Variants in PCED1B observed in about 807,000 individuals in gnomAD.
PCED1B encodes PC-esterase domain containing 1B.
For synonymous variants in PCED1B, 251 were observed against 246.1 expected (o/e 1.02, Z -0.19); for missense variants, 573 against 573.9 (o/e 1.00, Z 0.02).
At chr12:47,121,620 G>A (rs901787236) in intron 2 of PCED1B, among the ~76,000 whole-genome samples, 3 of 152,160 alleles carry the variant, frequency 2.0e-5, no homozygotes, top group Non-Finnish European at 4.4e-5. Context: ...TTTTCTAGAT[G>A]TTGACTTAAG....
intron 2 of PCED1B, among the ~76,000 whole-genome samples, chr12:47,199,431 T>C (rs1389613190): frequency 6.6e-6 from 1 of 152,140 alleles, no homozygotes; most frequent in Non-Finnish European, 1.5e-5. Flanking sequence ...AGACCCAGAA[T>C]AGCCAACATA....
intron 2 of PCED1B, among the ~76,000 whole-genome samples, chr12:47,144,349 G>C (rs1271062575): frequency 6.6e-6 from 1 of 152,170 alleles, no homozygotes; most frequent in Non-Finnish European, 1.5e-5. Flanking sequence ...AGGAGGGACA[G>C]CCTCAAGGAT....
chr12:47,177,616 G>C (rs953411400), intron 2 of PCED1B, among the ~76,000 whole-genome samples: 1 of 152,046 alleles, frequency 6.6e-6, no homozygotes, highest in Non-Finnish European at 1.5e-5. Context: ...GTGGTGGGGT[G>C]GGGGGTGGCA....
chr12:47,146,332 G>C (rs1056829724), intron 2 of PCED1B, among the ~76,000 whole-genome samples: 3 of 152,162 alleles, frequency 2.0e-5, no homozygotes, highest in African/African-American at 2.4e-5. Context: ...TTGTTGAAAT[G>C]ACAACAAAGG....
At chr12:47,167,624 T>C (rs1430033850) in intron 2 of PCED1B, among the ~76,000 whole-genome samples, 1 of 152,114 alleles carries the variant, frequency 6.6e-6, no homozygotes, top group Admixed American at 6.5e-5. Context: ...ATGAAGTGAG[T>C]GTCATAAATA....
At chr12:47,234,921 TCCCCATGGTCTCCCTA>T in intron 3 of PCED1B, 70 bp from the exon 4 acceptor site, 1 of 650,592 alleles carries the variant, frequency 1.5e-6, no homozygotes, top group East Asian at 3.0e-5. Flanking sequence ...GCCATCCCCT[TCCCCATGGTCTCCCTA>T]CCCCCAACCT....
intron 2 of PCED1B, among the ~76,000 whole-genome samples, chr12:47,208,209 C>T (rs527646966): frequency 1.3e-5 from 2 of 151,912 alleles, no homozygotes; most frequent in Admixed American, 6.6e-5. Flanking sequence ...AAGGGATAGA[C>T]TTGGTGCTGT....
intron 2 of PCED1B, among the ~76,000 whole-genome samples, chr12:47,202,368 G>T (rs1942788194): frequency 6.6e-6 from 1 of 152,124 alleles, no homozygotes; most frequent in Non-Finnish European, 1.5e-5. Context: ...TGCCAGACTG[G>T]ATGTTGCCTG....
At chr12:47,129,809 T>G (rs1253146792) in intron 2 of PCED1B, among the ~76,000 whole-genome samples, 1 of 152,154 alleles carries the variant, frequency 6.6e-6, no homozygotes, top group East Asian at 1.9e-4. Flanking sequence ...GGGACCCCAG[T>G]GGGGAGTGGT....
chr12:47,211,855 C>G (rs1035178819), intron 2 of PCED1B, among the ~76,000 whole-genome samples: 2 of 151,312 alleles, frequency 1.3e-5, no homozygotes, highest in African/African-American at 4.9e-5. Flanking sequence ...GCGGGCGGAT[C>G]ACGAGGTCAG....
chr12:47,114,245 A>C (rs1939325466), intron 2 of PCED1B, among the ~76,000 whole-genome samples: 1 of 152,148 alleles, frequency 6.6e-6, no homozygotes. Context: ...TCTTCACACC[A>C]AACCTGCAAG....
At chr12:47,106,440 G>T (rs910937555) in intron 2 of PCED1B, among the ~76,000 whole-genome samples, 1 of 152,130 alleles carries the variant, frequency 6.6e-6, no homozygotes, top group Non-Finnish European at 1.5e-5. Context: ...AGAAAAGTGG[G>T]TGCCTATGAG....
intron 2 of PCED1B, among the ~76,000 whole-genome samples, chr12:47,198,642 T>A (rs1299945816): frequency 6.6e-6 from 1 of 151,592 alleles, no homozygotes; most frequent in African/African-American, 2.4e-5. Flanking sequence ...GAAATAAAAC[T>A]TTGTTCACAG....
chr12:47,193,297 C>A (rs552167259), intron 2 of PCED1B, among the ~76,000 whole-genome samples: 1 of 152,132 alleles, frequency 6.6e-6, no homozygotes, highest in African/African-American at 2.4e-5. Flanking sequence ...GGCATCTGAC[C>A]GTCCCCACTT....
chr12:47,225,120 C>T (rs1050221014), intron 3 of PCED1B, among the ~76,000 whole-genome samples: 2 of 152,022 alleles, frequency 1.3e-5, no homozygotes, highest in Admixed American at 1.3e-4. Flanking sequence ...TTGGTACAGA[C>T]GGGGTTTTGC....
chr12:47,212,962 GCATA>G (rs1943138870), intron 2 of PCED1B, among the ~76,000 whole-genome samples: 1 of 152,202 alleles, frequency 6.6e-6, no homozygotes, highest in African/African-American at 2.4e-5. Context: ...TACAGAACTT[GCATA>G]AAACATAAGA....
At chr12:47,128,000 T>C (rs1939965634) in intron 2 of PCED1B, among the ~76,000 whole-genome samples, 3 of 152,252 alleles carry the variant, frequency 2.0e-5, no homozygotes, top group African/African-American at 7.2e-5. Context: ...AGAACAGTGC[T>C]GTCATGTCTT....
At chr12:47,150,168 C>T (rs1940937380) in intron 2 of PCED1B, among the ~76,000 whole-genome samples, 1 of 152,044 alleles carries the variant, frequency 6.6e-6, no homozygotes. Context: ...CAAATATATA[C>T]ATATGTATTT....
intron 2 of PCED1B, among the ~76,000 whole-genome samples, chr12:47,198,217 G>A (rs1228330307): frequency 6.6e-6 from 1 of 151,854 alleles, no homozygotes. Context: ...CTTTTTTTTC[G>A]AGGTATACAG....
Sources: allele counts gnomAD v4.1 joint callset (sites outside exome capture counted in the v4.1 genomes callset), GRCh38; gene constraint gnomAD v4.1.1; transcripts MANE v1.5; gene names NCBI Gene and HGNC (gene_info 2026-07-23, HGNC 2026-07-21).